DOCK3: variants seen among roughly 807,000 people sequenced by gnomAD.
The protein encoded by DOCK3 is dedicator of cytokinesis protein 3.
In DOCK3, 60 loss-of-function variants were observed where a neutral mutation model predicts 265.6. The ratio of observed to expected loss-of-function variants is 0.23; its 90% CI spans 0.18 to 0.28. The LOEUF (loss-of-function observed/expected upper bound fraction) is 0.28, where lower values mean the gene tolerates loss of function less well. Among genes scored for constraint, DOCK3 ranks in the 10% least tolerant of loss-of-function variants. The pLI is 1.00. For synonymous variants in DOCK3, 881 were observed against 938.0 expected (o/e 0.94, Z 1.11); for missense variants, 1,981 against 2,594.3 (o/e 0.76, Z 5.14).
chr3:51,006,918 C>T (rs1278618612), intron 5 of DOCK3, among the ~76,000 whole-genome samples: 8 of 152,150 alleles, frequency 5.3e-5, no homozygotes, highest in African/African-American at 1.4e-4. Flanking sequence ...ATGATGGTTT[C>T]CAGCTTCATC....
At chr3:51,212,404 A>G (rs1214690403) in intron 13 of DOCK3, among the ~76,000 whole-genome samples, 4 of 150,816 alleles carry the variant, frequency 2.7e-5, no homozygotes, top group Middle Eastern at 3.5e-3. Flanking sequence ...ACCCTTGCCA[A>G]TGCAGAATGG....
Position 51,370,592 on chromosome 3 carries a change from C to T in DOCK3, c.5294-3877C>T, listed in dbSNP as rs539652512. Reference sequence around the variant, plus strand: ...ACTTATCAAGCTTTTACTGAATGCTCAGTGAGGAACCTGCATGGCTCTTGC... The same window carrying T: ...ACTTATCAAGCTTTTACTGAATGCTTAGTGAGGAACCTGCATGGCTCTTGC... On this transcript the variant is annotated intron_variant, in intron 49 of 52. Transcript: ENST00000266037. Among the ~76,000 whole-genome samples the T allele has an allele frequency of 2.6e-5, 4 of 152,376 alleles. No individual in the cohort carries two copies. In the East Asian group the frequency reaches 7.7e-4, roughly 29 times the overall value.
chr3:51,126,920 C>T (rs1254003512), intron 9 of DOCK3, among the ~76,000 whole-genome samples: 2 of 152,054 alleles, frequency 1.3e-5, no homozygotes, highest in Non-Finnish European at 2.9e-5. Flanking sequence ...TTTCACCTTC[C>T]AGTAGGCCCG....
intron 49 of DOCK3, 125 bp downstream of exon 49, chr3:51,362,799 C>A: frequency 1.5e-6 from 2 of 1,369,248 alleles, no homozygotes; most frequent in South Asian, 2.9e-5. Flanking sequence ...CTCATTTGTG[C>A]TTTTACCACT....
intron 9 of DOCK3, among the ~76,000 whole-genome samples, chr3:51,098,113 G>C (rs190099175): frequency 1.6e-4 from 25 of 152,310 alleles, no homozygotes; most frequent in Admixed American, 1.4e-3. Flanking sequence ...CTGGAGTGCA[G>C]TGATGCGATC....
At chr3:50,822,255 A>AT (rs1213094628) in intron 2 of DOCK3, among the ~76,000 whole-genome samples, 1 of 151,586 alleles carries the variant, frequency 6.6e-6, no homozygotes, top group Non-Finnish European at 1.5e-5. Flanking sequence ...ATTTTATTTT[A>AT]TTTTTTTGTG....
At position 51,228,042 on chromosome 3, in the gene DOCK3, A is replaced by G; in HGVS notation, c.1601A>G (p.Asp534Gly). 1 of 1,614,040 alleles carries G rather than the reference A, an allele frequency of 6.2e-7. No individual in the cohort carries two copies. Among genetic ancestry groups the G allele is most frequent in the Non-Finnish European group, 8.5e-7 (1 of 1,179,894 alleles). The change falls in exon 17 of 53, where the codon GAT becomes GGT. Residue 534 changes from aspartate (D) to glycine (G), a missense_variant. Asp to Gly is a moderately conservative substitution (Grantham distance 94, BLOSUM62 -1). Coordinates refer to ENST00000266037, the MANE Select transcript of DOCK3 (RefSeq NM_004947.5). ...GCATTCTCAACCCTGATGCGTGATG[A>G]TGGCACCACCCTCTCAGATGATATT... ...GFAFSTLMRD[D>G]GTTLSDDIHE...
At chr3:50,953,524 C>T (rs2076648244) in intron 5 of DOCK3, among the ~76,000 whole-genome samples, 1 of 151,986 alleles carries the variant, frequency 6.6e-6, no homozygotes, top group South Asian at 2.1e-4. Flanking sequence ...TGGCTGGAAA[C>T]CTCAGAAAAT....
At chr3:51,034,345 T>A (rs779833191) in intron 5 of DOCK3, among the ~76,000 whole-genome samples, 28 of 152,132 alleles carry the variant, frequency 1.8e-4, no homozygotes, top group Non-Finnish European at 2.8e-4. Flanking sequence ...TTTGAATAAT[T>A]TTAAGAATTC....
chr3:51,203,109 A>C (rs2088918247), intron 12 of DOCK3, among the ~76,000 whole-genome samples: 1 of 152,214 alleles, frequency 6.6e-6, no homozygotes, highest in Admixed American at 6.5e-5. Flanking sequence ...AACTGGCACA[A>C]GACAGGGATG....
intron 2 of DOCK3, among the ~76,000 whole-genome samples, chr3:50,813,860 T>G (rs2043906624): frequency 6.6e-6 from 1 of 152,226 alleles, no homozygotes; most frequent in Admixed American, 6.5e-5. Flanking sequence ...TATGAATCTA[T>G]TTCTATAAAG....
At chr3:51,170,547 TATG>T (rs921681829) in intron 12 of DOCK3, among the ~76,000 whole-genome samples, 1 of 152,210 alleles carries the variant, frequency 6.6e-6, no homozygotes, top group African/African-American at 2.4e-5. Context: ...AGAAGTTTGT[TATG>T]ATAACTTTGT....
At chr3:51,156,949 A>G (rs1004452310) in intron 10 of DOCK3, among the ~76,000 whole-genome samples, 1 of 152,202 alleles carries the variant, frequency 6.6e-6, no homozygotes, top group Middle Eastern at 3.2e-3. Context: ...TCAATTCAAA[A>G]AAGTATATAA....
chr3:50,894,891 C>T (rs1438054858), intron 4 of DOCK3, among the ~76,000 whole-genome samples: 2 of 152,118 alleles, frequency 1.3e-5, no homozygotes, highest in African/African-American at 4.8e-5. Flanking sequence ...TTAGGTCACA[C>T]AGTTCTTGAG....
At chr3:50,955,133 A>G (rs1384142491) in intron 5 of DOCK3, among the ~76,000 whole-genome samples, 3 of 152,200 alleles carry the variant, frequency 2.0e-5, no homozygotes, top group Non-Finnish European at 4.4e-5. Context: ...ACAATGAGAT[A>G]TCATCTCACA....
chr3:51,005,710 A>C (rs2078652993), intron 5 of DOCK3, among the ~76,000 whole-genome samples: 2 of 152,096 alleles, frequency 1.3e-5, no homozygotes, highest in South Asian at 4.1e-4. Context: ...TACCACCTCA[A>C]CTGTTCTCAC....
chr3:51,303,038 T>G (rs1278335501), intron 27 of DOCK3, among the ~76,000 whole-genome samples: 2 of 152,194 alleles, frequency 1.3e-5, no homozygotes, highest in African/African-American at 4.8e-5. Context: ...CTGTTCTCCC[T>G]GTCTCATTCA....
At chr3:50,903,277 T>C (rs1424097899) in intron 4 of DOCK3, among the ~76,000 whole-genome samples, 1 of 152,162 alleles carries the variant, frequency 6.6e-6, no homozygotes, top group East Asian at 1.9e-4. Flanking sequence ...GCTTTTGCCT[T>C]TTCAATATGA....
At chr3:50,753,145 C>T (rs538590204) in intron 1 of DOCK3, among the ~76,000 whole-genome samples, 53 of 152,186 alleles carry the variant, frequency 3.5e-4, no homozygotes, top group South Asian at 2.5e-3. Flanking sequence ...TTTGTAATGC[C>T]TGCTTACTAA....
Sources: allele counts gnomAD v4.1 joint callset (sites outside exome capture counted in the v4.1 genomes callset), GRCh38; gene constraint gnomAD v4.1.1; transcripts MANE v1.5; gene names NCBI Gene and HGNC (gene_info 2026-07-23, HGNC 2026-07-21).